Variants in SIPA1L1 observed in about 807,000 individuals in gnomAD.
SIPA1L1 encodes signal induced proliferation associated 1 like 1, also known as signal-induced proliferation-associated 1-like protein 1.
SIPA1L1 carries 26 observed loss-of-function variants against 162.7 expected under a neutral mutation model. The ratio of observed to expected loss-of-function variants is 0.16; its 90% CI spans 0.12 to 0.22. The LOEUF (loss-of-function observed/expected upper bound fraction) is 0.22, where lower values mean the gene tolerates loss of function less well. Ranked by LOEUF, SIPA1L1 falls within the 10% of genes least tolerant of loss-of-function variation. The probability of loss-of-function intolerance (pLI) is 1.00; values close to 1 mark genes in which losing one functional copy is unlikely to be tolerated. For missense variants in SIPA1L1, 1,874 were observed against 2,241.0 expected (o/e 0.84, Z 3.31); for synonymous variants, 829 against 837.4 (o/e 0.99, Z 0.17).
chr14:71,708,033 T>TG (rs1172281024), intron 16 of SIPA1L1, among the ~76,000 whole-genome samples: 6 of 148,436 alleles, frequency 4.0e-5, no homozygotes, highest in Non-Finnish European at 7.5e-5. Context: ...TTTTTTGTTT[T>TG]TTTTTTTTTT....
intron 12 of SIPA1L1, among the ~76,000 whole-genome samples, chr14:71,682,567 A>G (rs2045905159): frequency 1.3e-5 from 2 of 152,180 alleles, no homozygotes. Context: ...TTATCATACT[A>G]TATTTGGCCA....
At chr14:71,662,144 T>C (rs768215750) in intron 10 of SIPA1L1, among the ~76,000 whole-genome samples, 2 of 152,232 alleles carry the variant, frequency 1.3e-5, no homozygotes, top group Non-Finnish European at 2.9e-5. Context: ...TTAATGTGCA[T>C]CAGTTCCTTT....
chr14:71,525,708 A>G (rs2052798249), intron 3 of SIPA1L1, among the ~76,000 whole-genome samples: 1 of 152,228 alleles, frequency 6.6e-6, no homozygotes, highest in Non-Finnish European at 1.5e-5. Context: ...GTTGTACCAG[A>G]AATAAATCCC....
chr14:71,390,512 G>A (rs976475642), intron 2 of SIPA1L1, among the ~76,000 whole-genome samples: 2 of 152,068 alleles, frequency 1.3e-5, no homozygotes, highest in Admixed American at 1.3e-4. Context: ...ATTTAAAACA[G>A]CATTCATAAT....
intron 2 of SIPA1L1, among the ~76,000 whole-genome samples, chr14:71,373,301 A>G (rs572389230): frequency 7.4e-6 from 1 of 134,772 alleles, no homozygotes; most frequent in African/African-American, 2.9e-5. Context: ...ACAGAGCAAG[A>G]CTCCGTCTCA....
chr14:71,730,448 C>T, intron 20 of SIPA1L1, 147 bp downstream of exon 20: 2 of 909,880 alleles, frequency 2.2e-6, no homozygotes, highest in South Asian at 1.6e-5. Flanking sequence ...CATTTGCCCT[C>T]TCTCTCCTGT....
chr14:71,550,599 C>T (rs2055717146), intron 4 of SIPA1L1, among the ~76,000 whole-genome samples: 1 of 151,550 alleles, frequency 6.6e-6, no homozygotes, highest in Admixed American at 6.6e-5. Context: ...CAGCTCCGTT[C>T]TGGGCTGGTT....
chr14:71,713,587 C>T (rs1379490243), intron 17 of SIPA1L1, among the ~76,000 whole-genome samples: 1 of 152,214 alleles, frequency 6.6e-6, no homozygotes, highest in Admixed American at 6.5e-5. Flanking sequence ...CAACACAGCT[C>T]AATTTCATGA....
At chr14:71,680,600 T>C (rs913508751) in intron 12 of SIPA1L1, among the ~76,000 whole-genome samples, 1 of 152,014 alleles carries the variant, frequency 6.6e-6, no homozygotes, top group South Asian at 2.1e-4. Flanking sequence ...CTGAAGGAGA[T>C]AGAGACACAA....
intron 2 of SIPA1L1, among the ~76,000 whole-genome samples, chr14:71,363,666 GTAAA>G: frequency 6.6e-6 from 1 of 152,194 alleles, no homozygotes; most frequent in East Asian, 1.9e-4. Flanking sequence ...TGGCAACTGA[GTAAA>G]TAATCCACAA....
chr14:71,431,507 A>G (rs1033234156), intron 2 of SIPA1L1, among the ~76,000 whole-genome samples: 1 of 151,998 alleles, frequency 6.6e-6, no homozygotes, highest in Non-Finnish European at 1.5e-5. Context: ...AGCCTGGGCA[A>G]CATCGTGAGA....
rs534881214 is a variant in SIPA1L1, at chr14:71,330,281, G to A, written c.-465+9100G>A. On this transcript the variant is annotated intron_variant, in intron 2 of 23. Coordinates refer to ENST00000381232, the MANE Select transcript of SIPA1L1 (RefSeq NM_001386936.1). The stretch of plus-strand genomic sequence containing the variant: ...TGAAAGTAGAAGTGGCTCCCCTGAA[G>A]TCTAGTTAGCATGTTGTGGGAGAGT... 39 of 721,628 alleles carry A rather than the reference G, an allele frequency of 5.4e-5. No homozygotes were observed. In the African/African-American group the frequency reaches 5.5e-4, roughly 10 times the overall value. 44.7% of individuals were successfully genotyped at this position (721,628 alleles called of 1,614,324 possible).
intron 2 of SIPA1L1, among the ~76,000 whole-genome samples, chr14:71,489,297 A>G (rs983705557): frequency 1.3e-5 from 2 of 152,240 alleles, no homozygotes; most frequent in Non-Finnish European, 2.9e-5. Context: ...CTTTGAAGCT[A>G]GATAACGTCA....
chr14:71,405,401 G>T (rs2041967020), intron 2 of SIPA1L1, among the ~76,000 whole-genome samples: 1 of 152,194 alleles, frequency 6.6e-6, no homozygotes. Context: ...TAATCATGTA[G>T]GTCCTTATAG....
In SIPA1L1 at chr14:71,443,091, CA is replaced by C. The variant is rs2045044647; in HGVS notation, c.-464-69651del. 2.0e-5 allele frequency among the ~76,000 whole-genome samples: 3 copies of C among 152,258 alleles called. No homozygotes were observed. The South Asian group carries it at 6.2e-4, about 32-fold the overall frequency. On this transcript the variant is annotated intron_variant, in intron 2 of 23. Coordinates refer to ENST00000381232, the MANE Select transcript of SIPA1L1 (RefSeq NM_001386936.1). ...CTCTGGACATAATTCATGTTGGAAC[CA>C]GTTTACAGTATTAGTTAGGGAGGTA...
At chr14:71,721,704 C>T (rs1285373153) in intron 17 of SIPA1L1, among the ~76,000 whole-genome samples, 1 of 152,204 alleles carries the variant, frequency 6.6e-6, no homozygotes, top group Non-Finnish European at 1.5e-5. Flanking sequence ...GGAGCCTCTC[C>T]CCAAACTTCC....
At chr14:71,479,666 C>T (rs1310355345) in intron 2 of SIPA1L1, among the ~76,000 whole-genome samples, 2 of 152,064 alleles carry the variant, frequency 1.3e-5, no homozygotes, top group Admixed American at 6.5e-5. Context: ...CCTGGGCCTC[C>T]CAAAGTTAGG....
chr14:71,341,644 T>C (rs2035664107), intron 2 of SIPA1L1, among the ~76,000 whole-genome samples: 1 of 152,164 alleles, frequency 6.6e-6, no homozygotes, highest in Admixed American at 6.5e-5. Context: ...TTTCAACTCA[T>C]CCCTCCCTCT....
At chr14:71,700,055 C>CAT (rs1355029849) in intron 14 of SIPA1L1, among the ~76,000 whole-genome samples, 1 of 152,152 alleles carries the variant, frequency 6.6e-6, no homozygotes, top group Non-Finnish European at 1.5e-5. Flanking sequence ...TATACTCTGG[C>CAT]ATACAATAAA....
Sources: allele counts gnomAD v4.1 joint callset (sites outside exome capture counted in the v4.1 genomes callset), GRCh38; gene constraint gnomAD v4.1.1; transcripts MANE v1.5; gene names NCBI Gene and HGNC (gene_info 2026-07-23, HGNC 2026-07-21).